AHCTF1: variants seen among roughly 807,000 people sequenced by gnomAD.
The protein encoded by AHCTF1 is protein ELYS.
In AHCTF1, 24 loss-of-function variants were observed where a neutral mutation model predicts 248.4. That is an observed-to-expected ratio of 0.10 (90% confidence interval 0.07 to 0.14). The LOEUF is 0.14. Among genes scored for constraint, AHCTF1 ranks in the 10% least tolerant of loss-of-function variants. The pLI, the probability that AHCTF1 is intolerant of heterozygous loss-of-function variation, is 1.00. For missense variants in AHCTF1, 2,206 were observed against 2,636.2 expected (o/e 0.84, Z 3.57); for synonymous variants, 786 against 929.8 (o/e 0.85, Z 2.81).
chr1:246,853,067 A>T, intron 32 of AHCTF1, 24 bp downstream of exon 32: 1 of 1,566,500 alleles, frequency 6.4e-7, no homozygotes, highest in Non-Finnish European at 8.7e-7. Context: ...ACTGATAAAG[A>T]AGTAAAAAAT....
chr1:246,876,848 G>A (rs1361138124), intron 23 of AHCTF1, 102 bp downstream of exon 23: 1 of 1,383,354 alleles, frequency 7.2e-7, no homozygotes, highest in East Asian at 2.3e-5. Flanking sequence ...GGTAATGCTA[G>A]GCACAGTGGT....
intron 33 of AHCTF1, among the ~76,000 whole-genome samples, chr1:246,848,743 G>C (rs1201244118): frequency 6.6e-6 from 1 of 151,808 alleles, no homozygotes; most frequent in Non-Finnish European, 1.5e-5. Flanking sequence ...CCAGCTACTA[G>C]GGAGGCTGAG....
At chr1:246,880,048 A>G (rs529090895) in intron 21 of AHCTF1, among the ~76,000 whole-genome samples, 115 of 152,254 alleles carry the variant, frequency 7.6e-4, no homozygotes, top group African/African-American at 2.7e-3. Context: ...GGGAGAGGAC[A>G]TATAGGCATT....
chr1:246,907,512 A>C, intron 5 of AHCTF1, 39 bp downstream of exon 5: 3 of 1,573,038 alleles, frequency 1.9e-6, no homozygotes, highest in Non-Finnish European at 2.6e-6. Flanking sequence ...ATGCAAAAAA[A>C]CTACCTATAA....
At chr1:246,862,635 C>T (rs1041315580) in intron 27 of AHCTF1, among the ~76,000 whole-genome samples, 60 of 152,250 alleles carry the variant, frequency 3.9e-4, no homozygotes, top group Non-Finnish European at 2.8e-4. Context: ...GCTTTTTATA[C>T]GTAAGTCTAC....
At chr1:246,910,958 C>A (rs1035203985) in intron 4 of AHCTF1, among the ~76,000 whole-genome samples, 1 of 152,294 alleles carries the variant, frequency 6.6e-6, no homozygotes, top group South Asian at 2.1e-4. Flanking sequence ...TCATTTCCTA[C>A]CTTGGTGTAT....
At chr1:246,894,245 A>G (rs542689070) in intron 14 of AHCTF1, among the ~76,000 whole-genome samples, 1 of 152,312 alleles carries the variant, frequency 6.6e-6, no homozygotes, top group East Asian at 1.9e-4. Context: ...AAAAAGAAAT[A>G]ATTTTCTTTT....
rs1558229013 is a variant in AHCTF1 at position 246,867,423 on chromosome 1, CAG to C, written c.3240-74_3240-73del. 1.6e-5 allele frequency: 17 copies of C among 1,082,686 alleles called. No individual in the cohort carries two copies. The South Asian group carries it at 2.4e-4, about 15-fold the overall frequency. 67.1% of individuals were successfully genotyped at this position (1,082,686 alleles called of 1,614,324 possible). ...ATAACAAGTGGATGAGATGGGAGAA[CAG>C]AGGGTTTTCATTCGTTTTACTTTGT... On this transcript the variant is annotated intron_variant, in intron 25 of 35. Coordinates refer to ENST00000648844, the MANE Select transcript of AHCTF1 (RefSeq NM_001323342.2).
chr1:246,885,431 C>T lies in AHCTF1; in HGVS notation c.2660+62G>A, dbSNP rs532956445. 34 of 1,394,986 alleles carry T rather than the reference C, an allele frequency of 2.4e-5. No homozygotes were observed. In the South Asian group the frequency reaches 4.2e-4, roughly 17 times the overall value. 86.4% of individuals were successfully genotyped at this position (1,394,986 alleles called of 1,614,324 possible). ...AATTGTATATTGCCACTGTCTATCTCATCAATTCCATTTTATTAACAGATA... is the reference window on the plus strand; with the variant it reads ...AATTGTATATTGCCACTGTCTATCTTATCAATTCCATTTTATTAACAGATA... On this transcript the variant is annotated intron_variant, in intron 21 of 35. Coordinates refer to ENST00000648844, the MANE Select transcript of AHCTF1 (RefSeq NM_001323342.2).
intron 4 of AHCTF1, among the ~76,000 whole-genome samples, chr1:246,911,103 T>C (rs1484760701): frequency 6.6e-6 from 1 of 152,192 alleles, no homozygotes; most frequent in African/African-American, 2.4e-5. Context: ...TGAGAAATGG[T>C]TCTGATCACA....
chr1:246,881,602 C>T (rs559874918), intron 21 of AHCTF1, among the ~76,000 whole-genome samples: 36 of 151,920 alleles, frequency 2.4e-4, no homozygotes, highest in Non-Finnish European at 4.7e-4. Context: ...TTTGGGAGGC[C>T]GAGGCGGGCG....
At chr1:246,869,036 G>T (rs375082870) in intron 24 of AHCTF1, among the ~76,000 whole-genome samples, 1 of 151,556 alleles carries the variant, frequency 6.6e-6, no homozygotes, top group Non-Finnish European at 1.5e-5. Flanking sequence ...AGTAGAGACG[G>T]GGTTTCACCA....
At chr1:246,922,841 G>A (rs1666650259) in intron 1 of AHCTF1, among the ~76,000 whole-genome samples, 1 of 151,222 alleles carries the variant, frequency 6.6e-6, no homozygotes. Context: ...AAAATAGCCG[G>A]GCGTGGTGGC....
At chr1:246,862,907 T>C (rs139675122) in intron 27 of AHCTF1, among the ~76,000 whole-genome samples, 3 of 152,196 alleles carry the variant, frequency 2.0e-5, no homozygotes, top group Admixed American at 1.3e-4. Flanking sequence ...TGTAAATTTA[T>C]TTAGTAGAGA....
At chr1:246,879,658 T>C (rs1663247278) in intron 21 of AHCTF1, among the ~76,000 whole-genome samples, 1 of 152,032 alleles carries the variant, frequency 6.6e-6, no homozygotes, top group Admixed American at 6.5e-5. Flanking sequence ...CAAAACCCTG[T>C]TGCTACTAAG....
At chr1:246,892,285 A>G (rs1664256446) in intron 14 of AHCTF1, among the ~76,000 whole-genome samples, 1 of 140,396 alleles carries the variant, frequency 7.1e-6, no homozygotes, top group Admixed American at 7.1e-5. Flanking sequence ...TTTAAATCAA[A>G]TTCTAATTTG....
intron 2 of AHCTF1, 46 bp downstream of exon 2, chr1:246,918,204 T>C: frequency 6.5e-7 from 1 of 1,539,762 alleles, no homozygotes; most frequent in Non-Finnish European, 8.7e-7. Context: ...ATTATTTATC[T>C]TACAAATCAA....
Position 246,899,433 on chromosome 1 carries a change from T to G in AHCTF1, c.1494+18A>C, listed in dbSNP as rs1329518333. On this transcript the variant is annotated intron_variant, in intron 11 of 35. Transcript: ENST00000648844. ...ATCTGACTTCAGTTCAATTAAGAAA[T>G]CACTAGTTGTTACCTACCTCCTTCT... The G allele has an allele frequency of 6.3e-7, 1 of 1,582,288 alleles. No homozygotes were observed.
At chr1:246,898,174 C>A (rs1224653109) in intron 12 of AHCTF1, 34 bp downstream of exon 12, 1 of 1,609,160 alleles carries the variant, frequency 6.2e-7, no homozygotes, top group Non-Finnish European at 8.5e-7. Flanking sequence ...CGTGATCCAA[C>A]CAAAAGAAAC....
Sources: gnomAD v4.1 joint callset for allele counts (sites outside exome capture counted in the v4.1 genomes callset) on GRCh38, gnomAD v4.1.1 for gene constraint, MANE v1.5 for transcripts, NCBI Gene and HGNC (gene_info 2026-07-23, HGNC 2026-07-21) for gene names.